Variants in ABCB1 observed in about 807,000 individuals in gnomAD.
ABCB1 encodes the protein ATP-dependent translocase ABCB1.
A neutral mutation model predicts 142.0 loss-of-function variants in ABCB1; 69 were observed. The observed-to-expected ratio is 0.49, with a 90% CI of 0.40 to 0.59. The LOEUF (loss-of-function observed/expected upper bound fraction) is 0.59, where lower values mean the gene tolerates loss of function less well. ABCB1 is among the 20% of genes least tolerant of loss of function. The pLI, the probability that ABCB1 is intolerant of heterozygous loss-of-function variation, is 0.00. For missense variants in ABCB1, 1,326 were observed against 1,554.7 expected (o/e 0.85, Z 2.47); for synonymous variants, 532 against 539.2 (o/e 0.99, Z 0.18).
chr7:87,538,592 G>C (rs1478711257), intron 19 of ABCB1, among the ~76,000 whole-genome samples: 4 of 152,144 alleles, frequency 2.6e-5, no homozygotes, highest in African/African-American at 4.8e-5. Context: ...AAAACGGAAA[G>C]TTATTAGGTC....
At chr7:87,710,736 C>A in intron 1 of ABCB1, 1 of 712,574 alleles carries the variant, frequency 1.4e-6, no homozygotes, top group Non-Finnish European at 2.3e-6. Context: ...GATGAAGAAT[C>A]AATTTCTAAA....
intron 1 of ABCB1, among the ~76,000 whole-genome samples, chr7:87,637,465 TTTTA>T (rs1379726031): frequency 2.6e-5 from 4 of 152,204 alleles, no homozygotes; most frequent in Non-Finnish European, 4.4e-5. Flanking sequence ...TTTCTGGGAT[TTTTA>T]TTAAGCTTGC....
intron 1 of ABCB1, among the ~76,000 whole-genome samples, chr7:87,619,083 C>T (rs1396737638): frequency 6.6e-6 from 1 of 152,192 alleles, no homozygotes; most frequent in Non-Finnish European, 1.5e-5. Flanking sequence ...ACAGAACTTT[C>T]AGCTAATAAA....
chr7:87,561,822 C>T (rs776191239), intron 7 of ABCB1, among the ~76,000 whole-genome samples: 7 of 152,108 alleles, frequency 4.6e-5, no homozygotes, highest in South Asian at 2.1e-4. Context: ...CCCGCCTCTA[C>T]AAAAAAATTA....
chr7:87,700,052 A>G (rs1449081992), intron 1 of ABCB1, among the ~76,000 whole-genome samples: 2 of 151,986 alleles, frequency 1.3e-5, no homozygotes, highest in African/African-American at 4.8e-5. Flanking sequence ...TCAATTGGTG[A>G]CATTTATTAA....
intron 24 of ABCB1, 115 bp downstream of exon 24, chr7:87,516,394 G>A: frequency 7.5e-7 from 1 of 1,330,384 alleles, no homozygotes; most frequent in Admixed American, 1.7e-5. Flanking sequence ...TATGATCTAG[G>A]AAGTTTTATT....
intron 1 of ABCB1, among the ~76,000 whole-genome samples, chr7:87,609,314 T>A (rs1204584491): frequency 4.6e-5 from 7 of 152,218 alleles, no homozygotes; most frequent in African/African-American, 1.7e-4. Context: ...CTAATAATTT[T>A]AAGGTTATTT....
At chr7:87,638,587 A>G (rs1388439274) in intron 1 of ABCB1, among the ~76,000 whole-genome samples, 1 of 151,748 alleles carries the variant, frequency 6.6e-6, no homozygotes, top group South Asian at 2.1e-4. Flanking sequence ...TTCAAGGAAC[A>G]TACCTATTTC....
At chr7:87,549,618 G>C in intron 13 of ABCB1, 100 bp from the exon 14 acceptor site, 2 of 1,547,512 alleles carry the variant, frequency 1.3e-6, no homozygotes, top group Non-Finnish European at 1.8e-6. Context: ...AGTCTCACAA[G>C]TAATACAGGT....
At chr7:87,589,841 A>AGAGAGAGAGG (rs1818921510) in intron 3 of ABCB1, among the ~76,000 whole-genome samples, 2 of 146,006 alleles carry the variant, frequency 1.4e-5, no homozygotes, top group African/African-American at 5.2e-5. Flanking sequence ...AGAGAGGGAG[A>AGAGAGAGAGG]GAGGGAGGGA....
chr7:87,643,246 C>A (rs1283736868), intron 1 of ABCB1, among the ~76,000 whole-genome samples: 1 of 151,858 alleles, frequency 6.6e-6, no homozygotes, highest in Admixed American at 6.6e-5. Context: ...TTTTACATTG[C>A]GTAAAATTTT....
intron 1 of ABCB1, among the ~76,000 whole-genome samples, chr7:87,626,791 A>C (rs1160855116): frequency 6.6e-6 from 1 of 150,420 alleles, no homozygotes; most frequent in East Asian, 2.0e-4. Flanking sequence ...AGAGAGAGAG[A>C]GAGAGATGGA....
upstream of ABCB1, among the ~76,000 whole-genome samples, chr7:87,603,975 C>T (rs1819556056): frequency 1.3e-5 from 2 of 152,178 alleles, no homozygotes; most frequent in Admixed American, 1.3e-4. Context: ...ATAATGCCCT[C>T]TTCTCAATCT....
intron 5 of ABCB1, among the ~76,000 whole-genome samples, chr7:87,567,457 G>T (rs1817827472): frequency 6.6e-6 from 1 of 152,122 alleles, no homozygotes; most frequent in African/African-American, 2.4e-5. Flanking sequence ...GCATTGGGTT[G>T]GTCTCTGTAC....
chr7:87,686,862 C>A (rs1827514256), intron 1 of ABCB1, among the ~76,000 whole-genome samples: 1 of 150,804 alleles, frequency 6.6e-6, no homozygotes. Context: ...GGAGGGTCAC[C>A]TGAGCCCAAG....
chr7:87,546,328 C>T (rs1428729457), intron 14 of ABCB1, among the ~76,000 whole-genome samples: 2 of 152,106 alleles, frequency 1.3e-5, no homozygotes, highest in African/African-American at 4.8e-5. Context: ...GTGGCTCACG[C>T]CTGTAATCCC....
chr7:87,619,739 CAA>C (rs1195056789), intron 1 of ABCB1, among the ~76,000 whole-genome samples: 1 of 149,512 alleles, frequency 6.7e-6, no homozygotes, highest in African/African-American at 2.5e-5. Flanking sequence ...TACACACACA[CAA>C]ACACATGTGT....
chr7:87,570,310 A>C, intron 4 of ABCB1, 87 bp from the exon 5 acceptor site: 1 of 1,246,472 alleles, frequency 8.0e-7, no homozygotes, highest in Non-Finnish European at 1.2e-6. Flanking sequence ...AACTCATTTC[A>C]TTTAATGATT....
intron 1 of ABCB1, among the ~76,000 whole-genome samples, chr7:87,655,167 T>C (rs1349483531): frequency 6.6e-6 from 1 of 151,996 alleles, no homozygotes; most frequent in Admixed American, 6.6e-5. Flanking sequence ...TTCTATGTGA[T>C]TAAATAAAAA....
Sources: gnomAD v4.1 joint callset for allele counts (sites outside exome capture counted in the v4.1 genomes callset) on GRCh38, gnomAD v4.1.1 for gene constraint, MANE v1.5 for transcripts, NCBI Gene and HGNC (gene_info 2026-07-23, HGNC 2026-07-21) for gene names.